The following NBPF4 variants were observed in gnomAD, a reference collection of about 807,000 sequenced individuals.
NBPF4 encodes NBPF family member NBPF4.
A neutral mutation model predicts 21.1 loss-of-function variants in NBPF4; 11 were observed. The ratio of observed to expected loss-of-function variants is 0.52; its 90% CI spans 0.33 to 0.86. The LOEUF (loss-of-function observed/expected upper bound fraction) is 0.86. Ranked by LOEUF, NBPF4 falls within the 40% of genes least tolerant of loss-of-function variation. The pLI, the probability that NBPF4 is intolerant of heterozygous loss-of-function variation, is 0.03. For synonymous variants in NBPF4, 47 were observed against 106.4 expected (o/e 0.44, Z 3.43); for missense variants, 88 against 265.3 (o/e 0.33, Z 4.64).
Position 108,226,626 on chromosome 1 carries a change from C to T in NBPF4, c.1875+53G>A, listed in dbSNP as rs1649483498. 2 of 1,299,622 alleles carry T rather than the reference C, an allele frequency of 1.5e-6. 1 individual carries two copies. Among genetic ancestry groups the T allele is most frequent in the Non-Finnish European group, 2.1e-6 (2 of 974,702 alleles). The allele number at this position is 1,299,622 out of a possible 1,614,324, so 80.5% of individuals were successfully genotyped here. On this transcript the variant is annotated intron_variant, in intron 14 of 14. Coordinates refer to ENST00000415641, the MANE Select transcript of NBPF4 (RefSeq NM_001143989.3). ...AAGCAGTGAGAGAATGAGCTGTCAC[C>T]ATAGACGGAGAAATAAGAAGTGAGT...
intron 3 of NBPF4, among the ~76,000 whole-genome samples, 175 bp from the exon 4 acceptor site, chr1:108,241,339 T>TAC (rs929952048): frequency 0.024 from 2,692 of 110,096 alleles, 203 homozygotes; most frequent in Middle Eastern, 0.08. Context: ...TATATATATA[T>TAC]ACACACACAC....
chr1:108,223,076 G>A lies in NBPF4; in HGVS notation c.*629C>T, dbSNP rs1306241842. ...GACCATTGAGCCAGACAGCTGACCT[G>A]TCCTCCACAAACAAGTCCATGTCAC... is the stretch of plus-strand genomic sequence containing the variant. On this transcript the variant is annotated 3_prime_UTR_variant, in exon 15 of 15. Transcript: ENST00000415641. Among the ~76,000 whole-genome samples, 2 of 152,140 alleles carry A rather than the reference G, an allele frequency of 1.3e-5. No homozygotes were observed. Among genetic ancestry groups the A allele is most frequent in the Non-Finnish European group, 2.9e-5 (2 of 68,026 alleles).
rs1649358562 is a variant in NBPF4, at chr1:108,223,074, C to A, written c.*631G>T. ...TAGACCATTGAGCCAGACAGCTGAC[C>A]TGTCCTCCACAAACAAGTCCATGTC... On this transcript the variant is annotated 3_prime_UTR_variant, in exon 15 of 15. Coordinates refer to ENST00000415641, the MANE Select transcript of NBPF4 (RefSeq NM_001143989.3). 6.6e-6 allele frequency among the ~76,000 whole-genome samples: 1 copy of A among 152,188 alleles called. No homozygotes were observed. The highest frequency in any genetic ancestry group is 2.4e-5 in the African/African-American group (1 of 41,452).
chr1:108,246,511 G>A (rs1471494538), upstream of NBPF4, among the ~76,000 whole-genome samples: 1 of 118,110 alleles, frequency 8.5e-6, no homozygotes, highest in East Asian at 2.9e-4. Context: ...TTCTGAAGTC[G>A]AAGCACAAAC....
At chr1:108,254,113 T>G in the NBPF4 span, among the ~76,000 whole-genome samples, 1 of 106,464 alleles carries the variant, frequency 9.4e-6, no homozygotes, top group Non-Finnish European at 2.0e-5. Flanking sequence ...TTGCTCTTGT[T>G]GCCCAGGCTG....
chr1:108,241,321 AATATAT>A lies in NBPF4; in HGVS notation c.279-163_279-158del, dbSNP rs3069056. Among the ~76,000 whole-genome samples the A allele has an allele frequency of 1.8e-4, 23 of 124,482 alleles. 1 individual carries two copies. Among genetic ancestry groups the A allele is most frequent in the Admixed American group, 5.0e-4 (6 of 12,082 alleles). 81.7% of individuals were successfully genotyped at this position (124,482 alleles called of 152,430 possible). ...AATGTCTGTGGCCAAGAGAAAGAAG[AATATAT>A]ATATATATATATACACACACACACA... On this transcript the variant is annotated intron_variant, in intron 3 of 14. Coordinates refer to ENST00000415641, the MANE Select transcript of NBPF4 (RefSeq NM_001143989.3).
At chr1:108,248,008 A>T (rs1413570063), upstream of NBPF4, among the ~76,000 whole-genome samples, 1 of 151,946 alleles carries the variant, frequency 6.6e-6, no homozygotes, top group East Asian at 1.9e-4. Flanking sequence ...TTGTAGAGAC[A>T]AGGTCTTGCT....
rs1649349089 is a variant in NBPF4 at position 108,222,835 on chromosome 1, C to T, written c.*870G>A. The stretch of plus-strand genomic sequence containing the variant: ...TTCAAACCACTTTCCAAATTACTTA[C>T]AAATAAGATGTCTTTACAAGGGACA... On this transcript the variant is annotated 3_prime_UTR_variant, in exon 15 of 15. Transcript: ENST00000415641. Among the ~76,000 whole-genome samples the T allele has an allele frequency of 1.3e-5, 2 of 152,150 alleles. No homozygotes were observed. The highest frequency in any genetic ancestry group is 1.3e-4 in the Admixed American group (2 of 15,282).
chr1:108,248,034 G>A (rs1265420120), upstream of NBPF4, among the ~76,000 whole-genome samples: 4 of 151,906 alleles, frequency 2.6e-5, no homozygotes, highest in East Asian at 7.7e-4. Context: ...GCTCAGGCTG[G>A]TCTTAAACTT....
upstream of NBPF4, among the ~76,000 whole-genome samples, chr1:108,247,592 A>G (rs1649878002): frequency 6.6e-6 from 1 of 152,194 alleles, no homozygotes; most frequent in Non-Finnish European, 1.5e-5. Flanking sequence ...TCTCAGAAAG[A>G]GTCCCCTCCC....
upstream of NBPF4, among the ~76,000 whole-genome samples, chr1:108,247,904 C>T (rs1426666517): frequency 6.8e-6 from 1 of 146,346 alleles, no homozygotes; most frequent in Non-Finnish European, 1.5e-5. Flanking sequence ...ATACCCAAAT[C>T]CTGGGCACAA....
In NBPF4 at chr1:108,223,112, GACA is replaced by G. The variant is rs1483053803; in HGVS notation, c.*590_*592del. On this transcript the variant is annotated 3_prime_UTR_variant, in exon 15 of 15. Transcript: ENST00000415641. ...ACAAGTCCATGTCACCACCATCAAT[GACA>G]ACAACAAAAAGATGAGGAGATGTTT... Among the ~76,000 whole-genome samples the G allele has an allele frequency of 1.3e-5, 2 of 152,106 alleles. No homozygotes were observed. Among genetic ancestry groups the G allele is most frequent in the African/African-American group, 2.4e-5 (1 of 41,420 alleles).
chr1:108,257,969 C>T, the NBPF4 span, among the ~76,000 whole-genome samples: 2 of 139,880 alleles, frequency 1.4e-5, no homozygotes, highest in Non-Finnish European at 3.0e-5. Context: ...AGGCTGGTCT[C>T]GAACTCCTGA....
At chr1:108,266,559 AC>A in the NBPF4 span, among the ~76,000 whole-genome samples, 2 of 93,506 alleles carry the variant, frequency 2.1e-5, no homozygotes, top group African/African-American at 8.4e-5. Context: ...CTGACCTGCC[AC>A]CTATTTCTGT....
intron 14 of NBPF4, among the ~76,000 whole-genome samples, chr1:108,225,175 CA>C (rs1353572038): frequency 7.3e-6 from 1 of 137,158 alleles, no homozygotes; most frequent in Non-Finnish European, 1.6e-5. Context: ...CAAAATTCAG[CA>C]AGTGTGCTTC....
rs1378926148 is a variant in NBPF4 at position 108,223,386 on chromosome 1, G to A, written c.*319C>T. On this transcript the variant is annotated 3_prime_UTR_variant, in exon 15 of 15. Coordinates refer to ENST00000415641, the MANE Select transcript of NBPF4 (RefSeq NM_001143989.3). ...TCATACTCTGCCCTGGCAGAGTCCC[G>A]GCTGACATGCTGTCTCCTGCCAGCA... 10 of 289,740 alleles carry A rather than the reference G, an allele frequency of 3.5e-5. No homozygotes were observed. The highest frequency in any genetic ancestry group is 1.5e-4 in the East Asian group (2 of 13,620). The allele number at this position is 289,740 out of a possible 1,614,324, so 17.9% of individuals were successfully genotyped here.
Position 108,229,133 on chromosome 1 carries a change from G to T in NBPF4, c.1447C>A (p.Gln483Lys). 6.4e-7 allele frequency: 1 copy of T among 1,550,916 alleles called. No individual in the cohort carries two copies. The highest frequency in any genetic ancestry group is 8.7e-7 in the Non-Finnish European group (1 of 1,146,462). The change falls in exon 13 of 15, where the codon CAA becomes AAA. Residue 483 changes from glutamine (Q) to lysine (K), a missense_variant. Gln to Lys is a moderately conservative substitution (Grantham distance 53). Transcript: ENST00000415641. ...VASPTEAACP[Q>K]GTWSGDLSHH... ...CTCAAGTCTCCACTCCAAGTCCCTT[G>T]GGGACAGGCCGCCTCGGTGGGGGCT...
the NBPF4 span, among the ~76,000 whole-genome samples, chr1:108,254,199 C>T: frequency 7.6e-5 from 2 of 26,278 alleles, no homozygotes; most frequent in Non-Finnish European, 1.4e-4. Context: ...TTCAGCCTCC[C>T]GAATAGCTAG....
In NBPF4 at chr1:108,229,001, C is replaced by G. The variant is rs773693443; in HGVS notation, c.1579G>C (p.Gly527Arg). 1 of 1,545,338 alleles carries G rather than the reference C, an allele frequency of 6.5e-7. No individual in the cohort carries two copies. Among genetic ancestry groups the G allele is most frequent in the Non-Finnish European group, 8.8e-7 (1 of 1,142,064 alleles). ...QLDQGFHCGN[G>R]LAQRGLSSTT... ...GAGGAAAGGCCCCGCTGGGCCAAGC[C>G]GTTCCCACAGTGGAACCCTTGATCC... Residue 527 changes from glycine (G) to arginine (R), a missense_variant, in exon 13 of 15, where the codon GGC becomes CGC. Coordinates refer to ENST00000415641, the MANE Select transcript of NBPF4 (RefSeq NM_001143989.3).
Sources: allele counts gnomAD v4.1 joint callset (sites outside exome capture counted in the v4.1 genomes callset), GRCh38; gene constraint gnomAD v4.1.1; transcripts MANE v1.5; gene names NCBI Gene and HGNC (gene_info 2026-07-23, HGNC 2026-07-21).